Variants in GSTM2 observed in about 807,000 individuals in gnomAD.
GSTM2 encodes GST class-mu 2.
In GSTM2, 33 loss-of-function variants were observed where a neutral mutation model predicts 33.3. The ratio of observed to expected loss-of-function variants is 0.99; its 90% CI spans 0.75 to 1.33. The LOEUF is 1.33. Among genes scored for constraint, GSTM2 ranks in the 40% most tolerant of loss-of-function variants. The pLI, the probability that GSTM2 is intolerant of heterozygous loss-of-function variation, is 0.00. For synonymous variants in GSTM2, 93 were observed against 95.6 expected (o/e 0.97, Z 0.16); for missense variants, 213 against 265.8 (o/e 0.80, Z 1.38).
chr1:109,678,884 A>G (rs17038616), downstream of GSTM2, among the ~76,000 whole-genome samples: 5,908 of 151,850 alleles, frequency 0.039, 411 homozygotes, highest in African/African-American at 0.13. Context: ...TTCTTATGCT[A>G]TGGCATGTGT....
chr1:109,678,312 T>A (rs1368967090), downstream of GSTM2, among the ~76,000 whole-genome samples: 14 of 152,132 alleles, frequency 9.2e-5, no homozygotes, highest in Non-Finnish European at 1.5e-5. Context: ...AATTTTTGTA[T>A]TTTTAGTAGA....
intron 3 of GSTM2, 125 bp downstream of exon 3, chr1:109,669,114 T>C: frequency 1.6e-6 from 2 of 1,283,166 alleles, no homozygotes; most frequent in South Asian, 2.4e-5. Flanking sequence ...CTCTTGGCTG[T>C]CTACACAGCC....
chr1:109,673,290 T>C, intron 7 of GSTM2: 1 of 1,602,804 alleles, frequency 6.2e-7, no homozygotes, highest in South Asian at 1.1e-5. Context: ...TGAGGCACAG[T>C]GGGAGATGCA....
At chr1:109,672,124 T>C (rs1461362240) in intron 7 of GSTM2, among the ~76,000 whole-genome samples, 8 of 144,494 alleles carry the variant, frequency 5.5e-5, no homozygotes, top group Non-Finnish European at 1.2e-4. Flanking sequence ...CTACTAAAAA[T>C]ACAAAATTAG....
In GSTM2 at chr1:109,671,334, G is replaced by GCT. The variant is rs762505857; in HGVS notation, c.411_412dup (p.Tyr138SerfsTer45). On this transcript the variant is annotated frameshift_variant, in exon 6 of 8. Transcript: ENST00000241337. LOFTEE classifies it high-confidence loss of function. ...TGCAGGCACTCCCTGAAATGCTGAA[G>GCT]CTCTACTCACAGTTTCTGGGGAAGC... 2 of 1,614,044 alleles carry GCT rather than the reference G, an allele frequency of 1.2e-6. No individual in the cohort carries two copies. Among genetic ancestry groups the GCT allele is most frequent in the Non-Finnish European group, 1.7e-6 (2 of 1,180,000 alleles).
chr1:109,670,098 G>GAGGGTA (rs113061276), intron 5 of GSTM2: 2 of 116,150 alleles, frequency 1.7e-5, no homozygotes, highest in South Asian at 3.2e-4. Context: ...CGGAGGTGGG[G>GAGGGTA]GGGGAAATCC....
rs1464397890 is a variant in GSTM2, at chr1:109,669,509, T to C, written c.298T>C (p.Leu100=). The change falls in exon 5 of 8, where the codon TTG becomes CTG. Residue 100 remains leucine, a synonymous_variant. Transcript: ENST00000241337. The part of the protein sequence containing the change: ...SEKEQIREDI[L]ENQFMDSRMQ... ...AAAGGAGCAGATTCGCGAAGACATT[T>C]TGGAGAACCAGTTTATGGACAGCCG... 1.9e-6 allele frequency: 3 copies of C among 1,613,846 alleles called. No individual in the cohort carries two copies. The highest frequency in any genetic ancestry group is 1.7e-6 in the Non-Finnish European group (2 of 1,179,918).
At chr1:109,679,469 T>C (rs536261313), downstream of GSTM2, among the ~76,000 whole-genome samples, 1 of 152,156 alleles carries the variant, frequency 6.6e-6, no homozygotes, top group South Asian at 2.1e-4. Flanking sequence ...CAGAGTGAGA[T>C]TCCATCTCAA....
Position 109,669,517 on chromosome 1 carries a change from C to T in GSTM2, c.306C>T (p.Asn102=), listed in dbSNP as rs764209562. The part of the protein sequence containing the change: ...KEQIREDILE[N]QFMDSRMQLA... Reference sequence around the variant, plus strand: ...AGATTCGCGAAGACATTTTGGAGAACCAGTTTATGGACAGCCGTATGCAGC... The same window carrying T: ...AGATTCGCGAAGACATTTTGGAGAATCAGTTTATGGACAGCCGTATGCAGC... The change falls in exon 5 of 8, where the codon AAC becomes AAT. Residue 102 remains asparagine, a synonymous_variant. Coordinates refer to ENST00000241337, the MANE Select transcript of GSTM2 (RefSeq NM_000848.4). 6.8e-6 allele frequency: 11 copies of T among 1,613,826 alleles called. No homozygotes were observed. In the Admixed American group the frequency reaches 1.2e-4, roughly 17 times the overall value.
Position 109,668,083 on chromosome 1 carries a change from G to A in GSTM2, c.-33G>A, listed in dbSNP as rs769138224. The A allele has an allele frequency of 2.5e-6, 4 of 1,612,758 alleles. No homozygotes were observed. Among genetic ancestry groups the A allele is most frequent in the Non-Finnish European group, 2.5e-6 (3 of 1,178,750 alleles). On this transcript the variant is annotated 5_prime_UTR_variant, in exon 1 of 8. Coordinates refer to ENST00000241337, the MANE Select transcript of GSTM2 (RefSeq NM_000848.4). ...CAAACGCTGAGCCCCGCCCCGCTGA[G>A]GCCTGTCTGCAGAATCCACAGCAAC...
downstream of GSTM2, among the ~76,000 whole-genome samples, chr1:109,679,164 T>A (rs1004929463): frequency 3.9e-4 from 59 of 152,028 alleles, no homozygotes; most frequent in East Asian, 9.7e-4. Context: ...TTTTTTTTTT[T>A]AATAAGAACA....
At chr1:109,678,356 C>A (rs1165692371), downstream of GSTM2, among the ~76,000 whole-genome samples, 1 of 152,130 alleles carries the variant, frequency 6.6e-6, no homozygotes. Flanking sequence ...AGGCTGGTCT[C>A]AAACTCCGGG....
chr1:109,671,057 A>G (rs1647523121), intron 5 of GSTM2: 1 of 542,750 alleles, frequency 1.8e-6, no homozygotes, highest in Non-Finnish European at 3.3e-6. Context: ...ATTTAGGGAC[A>G]GTGTCACATT....
At position 109,669,588 on chromosome 1, in the gene GSTM2, CACTCCCAGTCTCCCCTTCCCT is replaced by C. The variant is rs565184660; in HGVS notation, c.360+35_360+55del. On this transcript the variant is annotated intron_variant, in intron 5 of 7. Coordinates refer to ENST00000241337, the MANE Select transcript of GSTM2 (RefSeq NM_000848.4). ...CCAGATTTTGTAAGTCCCCCCACCC[CACTCCCAGTCTCCCCTTCCCT>C]ACTCCCAGTCTCCCCTTTCCCTGCA... 1.7e-4 allele frequency: 242 copies of C among 1,462,298 alleles called. 1 individual carries two copies. In the East Asian group the frequency reaches 4.3e-3, roughly 26 times the overall value. 90.6% of individuals were successfully genotyped at this position (1,462,298 alleles called of 1,614,324 possible).
chr1:109,678,559 T>A (rs2359773), downstream of GSTM2, among the ~76,000 whole-genome samples: 133,958 of 151,566 alleles, frequency 0.88, 59,469 homozygotes, highest in East Asian at 0.98. Context: ...TCCTGGCTTG[T>A]ACACGGTGAG....
chr1:109,673,343 T>G, intron 7 of GSTM2: 1 of 1,476,434 alleles, frequency 6.8e-7, no homozygotes, highest in Non-Finnish European at 9.3e-7. Flanking sequence ...GTGAGAGGCC[T>G]GCAGGCAGAG....
At chr1:109,672,149 A>AG (rs1314164984) in intron 7 of GSTM2, among the ~76,000 whole-genome samples, 1 of 147,816 alleles carries the variant, frequency 6.8e-6, no homozygotes, top group African/African-American at 2.5e-5. Flanking sequence ...GCGTGGTGGC[A>AG]CATGCCTATA....
intron 5 of GSTM2, chr1:109,670,955 C>T: frequency 1.2e-5 from 3 of 247,080 alleles, no homozygotes; most frequent in Non-Finnish European, 2.4e-5. Flanking sequence ...TCTTTGCATC[C>T]TTGATTCTGC....
downstream of GSTM2, among the ~76,000 whole-genome samples, chr1:109,677,729 T>C (rs1278744228): frequency 6.6e-6 from 1 of 152,082 alleles, no homozygotes. Flanking sequence ...TCCAGAAGAG[T>C]ACACAAGTGG....
Sources: gnomAD v4.1 joint callset for allele counts (sites outside exome capture counted in the v4.1 genomes callset) on GRCh38, gnomAD v4.1.1 for gene constraint, MANE v1.5 for transcripts, NCBI Gene and HGNC (gene_info 2026-07-23, HGNC 2026-07-21) for gene names.